The following PLCG2 variants were observed in gnomAD, a reference collection of about 807,000 sequenced individuals.
PLCG2 encodes 1-phosphatidylinositol 4,5-bisphosphate phosphodiesterase gamma-2.
In PLCG2, 69 loss-of-function variants were observed where a neutral mutation model predicts 175.6. The observed-to-expected ratio is 0.39, with a 90% CI of 0.32 to 0.48. The LOEUF (loss-of-function observed/expected upper bound fraction) is 0.48, where lower values mean the gene tolerates loss of function less well. Ranked by LOEUF, PLCG2 falls within the 20% of genes least tolerant of loss-of-function variation. The probability of loss-of-function intolerance (pLI) is 0.91; values close to 1 mark genes in which losing one functional copy is unlikely to be tolerated. For synonymous variants in PLCG2, 827 were observed against 624.0 expected, an observed-to-expected ratio of 1.33 and a Z score of -4.85; for missense variants, 1,798 against 1,650.9, an observed-to-expected ratio of 1.09 and a Z score of -1.54.
intron 10 of PLCG2, among the ~76,000 whole-genome samples, chr16:81,889,769 C>G (rs752128439): frequency 1.7e-4 from 26 of 152,132 alleles, no homozygotes; most frequent in Non-Finnish European, 3.5e-4. Context: ...ATTCTCGTGC[C>G]TCAGCCTCCC....
At chr16:81,819,182 C>A (rs950581186) in intron 2 of PLCG2, among the ~76,000 whole-genome samples, 1 of 151,956 alleles carries the variant, frequency 6.6e-6, no homozygotes. Context: ...AAGACAAAGA[C>A]CTTGTTGGGT....
chr16:81,769,670 A>T (rs1430719384), intron 2 of PLCG2, among the ~76,000 whole-genome samples: 1 of 151,806 alleles, frequency 6.6e-6, no homozygotes. Context: ...ACAAAAAAAA[A>T]TTAGCCGGGC....
chr16:81,814,772 G>C (rs967699807), intron 2 of PLCG2, among the ~76,000 whole-genome samples: 1 of 152,254 alleles, frequency 6.6e-6, no homozygotes, highest in Admixed American at 6.5e-5. Flanking sequence ...CTTTTGTCCT[G>C]TCTCACTGTT....
At chr16:81,900,857 C>A in intron 14 of PLCG2, 77 bp downstream of exon 14, 3 of 1,352,562 alleles carry the variant, frequency 2.2e-6, no homozygotes, top group Non-Finnish European at 3.1e-6. Flanking sequence ...TCCCGTTCAC[C>A]AAGTTCTATG....
At chr16:81,786,330 G>C in intron 2 of PLCG2, 148 bp downstream of exon 2, 1 of 706,440 alleles carries the variant, frequency 1.4e-6, no homozygotes, top group Middle Eastern at 4.1e-4. Context: ...TTGCCAGTTT[G>C]TGTGGATCTC....
chr16:81,859,540 C>CTT (rs200533453), intron 5 of PLCG2, among the ~76,000 whole-genome samples: 95 of 148,222 alleles, frequency 6.4e-4, no homozygotes, highest in East Asian at 1.8e-3. Context: ...CCAGGTGGTT[C>CTT]TTTTTTTTTT....
intron 2 of PLCG2, among the ~76,000 whole-genome samples, chr16:81,801,956 C>G (rs1217314735): frequency 1.3e-5 from 2 of 152,024 alleles, no homozygotes; most frequent in Non-Finnish European, 2.9e-5. Flanking sequence ...GTTGGGATTA[C>G]AGGCATCAGC....
rs200137340 is a variant in PLCG2, at chr16:81,900,727, A to G, written c.1309A>G (p.Ser437Gly). ...GCTGTTGACGAAGCCCACGGAGGCC[A>G]GTGCTGACCAGCTGCCCTCGCCCAG... ...DLLLTKPTEA[S>G]ADQLPSPSQL... The change falls in exon 14 of 33, where the codon AGT (serine) becomes GGT (glycine). Residue 437 changes from serine to glycine, a missense_variant. By Grantham distance (56) the Ser-to-Gly change is moderately conservative. Coordinates refer to ENST00000564138, the MANE Select transcript of PLCG2 (RefSeq NM_002661.5). 177 of 1,611,742 alleles carry G rather than the reference A, an allele frequency of 1.1e-4. No individual in the cohort carries two copies. The African/African-American group carries it at 2.0e-3, about 18-fold the overall frequency.
At chr16:81,778,066 A>ATAC (rs1567457940), upstream of PLCG2, among the ~76,000 whole-genome samples, 29,022 of 83,928 alleles carry the variant, frequency 0.35, 6,263 homozygotes, top group African/African-American at 0.49. Flanking sequence ...AAAAAAAACC[A>ATAC]AAAACACACA....
intron 2 of PLCG2, among the ~76,000 whole-genome samples, chr16:81,771,510 C>A (rs1910280897): frequency 6.6e-6 from 1 of 152,214 alleles, no homozygotes; most frequent in Non-Finnish European, 1.5e-5. Flanking sequence ...GAAGTCTTCG[C>A]AGCTCCATGA....
At chr16:81,782,441 G>C (rs1370676222) in intron 1 of PLCG2, among the ~76,000 whole-genome samples, 2 of 152,056 alleles carry the variant, frequency 1.3e-5, no homozygotes. Flanking sequence ...GGAAGTTGCT[G>C]TGGTGGCTGG....
intron 14 of PLCG2, among the ~76,000 whole-genome samples, chr16:81,902,923 G>T (rs889723921): frequency 6.6e-6 from 1 of 152,150 alleles, no homozygotes; most frequent in South Asian, 2.1e-4. Flanking sequence ...CTCATGAGAT[G>T]TGTTCACTAT....
At chr16:81,929,651 C>G (rs914353870) in intron 24 of PLCG2, among the ~76,000 whole-genome samples, 107 of 152,366 alleles carry the variant, frequency 7.0e-4, no homozygotes, top group African/African-American at 2.5e-3. Flanking sequence ...CTGCCTTAGC[C>G]TCCCAAAGTG....
chr16:81,880,030 A>G (rs1273590085), intron 7 of PLCG2, among the ~76,000 whole-genome samples: 3 of 152,228 alleles, frequency 2.0e-5, no homozygotes, highest in Non-Finnish European at 4.4e-5. Flanking sequence ...TCTTGAGGCC[A>G]GGAGTTCAAG....
intron 2 of PLCG2, among the ~76,000 whole-genome samples, chr16:81,808,148 G>A (rs958749242): frequency 6.6e-6 from 1 of 151,630 alleles, no homozygotes; most frequent in Admixed American, 6.6e-5. Context: ...TCTCTTGGGT[G>A]TACACCTAGG....
chr16:81,893,470 C>T (rs1908733807), intron 11 of PLCG2, among the ~76,000 whole-genome samples: 1 of 152,216 alleles, frequency 6.6e-6, no homozygotes. Context: ...CTTGCATTGC[C>T]CAGGTGGTCA....
intron 2 of PLCG2, among the ~76,000 whole-genome samples, chr16:81,789,849 C>CT (rs201753773): frequency 2.0e-5 from 3 of 151,530 alleles, no homozygotes. Context: ...CCTTTGCCCC[C>CT]CCTCCATTGC....
intron 1 of PLCG2, among the ~76,000 whole-genome samples, chr16:81,749,401 G>A (rs929661461): frequency 2.6e-5 from 4 of 151,946 alleles, no homozygotes; most frequent in South Asian, 4.2e-4. Context: ...CATCCAGGCC[G>A]GAGTGCAGTG....
At chr16:81,744,455 A>G (rs62046367) in intron 1 of PLCG2, among the ~76,000 whole-genome samples, 81,309 of 151,454 alleles carry the variant, frequency 0.54, 22,973 homozygotes, top group Non-Finnish European at 0.63. Context: ...GAGCCACCGC[A>G]CCCAGTCCCC....
Sources: allele counts gnomAD v4.1 joint callset (sites outside exome capture counted in the v4.1 genomes callset), GRCh38; gene constraint gnomAD v4.1.1; transcripts MANE v1.5; gene names NCBI Gene and HGNC (gene_info 2026-07-23, HGNC 2026-07-21).